AKR1D1: variants seen among roughly 807,000 people sequenced by gnomAD.
AKR1D1 encodes delta(4)-3-ketosteroid 5-beta-reductase.
Under a neutral mutation model 42.6 loss-of-function variants are expected in AKR1D1, and 32 were observed. The observed-to-expected ratio is 0.75, with a 90% CI of 0.57 to 1.01. AKR1D1 has a LOEUF of 1.01. AKR1D1 is among the 50% of genes least tolerant of loss of function. AKR1D1 has a pLI of 0.00. For synonymous variants in AKR1D1, 123 were observed against 135.5 expected (o/e 0.91, Z 0.64); for missense variants, 364 against 402.2 (o/e 0.91, Z 0.81).
rs1301512450 is a variant in AKR1D1 at position 138,102,188 on chromosome 7, G to A, written c.457-3119G>A. On this transcript the variant is annotated intron_variant, in intron 4 of 8. Coordinates refer to ENST00000242375, the MANE Select transcript of AKR1D1 (RefSeq NM_005989.4). The stretch of plus-strand genomic sequence containing the variant: ...ATCCCACCACTGCACTCCAGCCTGG[G>A]TGACAGAGTGAGATTCTGTCTCAAA... Among the ~76,000 whole-genome samples the A allele has an allele frequency of 2.6e-5, 4 of 152,184 alleles. No individual in the cohort carries two copies. The East Asian group carries it at 7.7e-4, about 29-fold the overall frequency.
At chr7:138,105,826 A>G (rs1794412511) in intron 5 of AKR1D1, among the ~76,000 whole-genome samples, 1 of 152,142 alleles carries the variant, frequency 6.6e-6, no homozygotes. Context: ...TGGAGGTTGC[A>G]GTGAGCCGAG....
rs1020061974 is a variant in AKR1D1, at chr7:138,106,493, T to A, written c.580-115T>A. 21 of 773,640 alleles carry A rather than the reference T, an allele frequency of 2.7e-5. No individual in the cohort carries two copies. In the African/African-American group the frequency reaches 3.4e-4, roughly 13 times the overall value. 47.9% of individuals were successfully genotyped at this position (773,640 alleles called of 1,614,324 possible). On this transcript the variant is annotated intron_variant, in intron 5 of 8. Coordinates refer to ENST00000242375, the MANE Select transcript of AKR1D1 (RefSeq NM_005989.4). ...ACTAGGACACGAAATGTATATAGTA[T>A]GAAGGAGATTCTATTAATAAAATGG...
chr7:138,095,513 T>TTTTTG (rs58875353), intron 3 of AKR1D1, among the ~76,000 whole-genome samples: 77 of 151,858 alleles, frequency 5.1e-4, no homozygotes, highest in African/African-American at 1.2e-3. Flanking sequence ...AAAATTAAAA[T>TTTTTG]TTTTGTTTTG....
intron 1 of AKR1D1, among the ~76,000 whole-genome samples, chr7:138,081,588 C>T (rs1354018630): frequency 2.4e-5 from 3 of 123,114 alleles, no homozygotes; most frequent in Admixed American, 1.0e-4. Context: ...TGCAATGGCA[C>T]GATCGATCTC....
intron 8 of AKR1D1, among the ~76,000 whole-genome samples, chr7:138,114,277 C>T (rs887916879): frequency 1.3e-5 from 2 of 152,110 alleles, no homozygotes; most frequent in Non-Finnish European, 2.9e-5. Context: ...AGCTGACTTC[C>T]TACAAGCAAA....
At position 138,076,558 on chromosome 7, in the gene AKR1D1, G is replaced by C; in HGVS notation, c.40G>C (p.Asp14His). 1 of 1,613,590 alleles carries C rather than the reference G, an allele frequency of 6.2e-7. No homozygotes were observed. The highest frequency in any genetic ancestry group is 1.1e-5 in the South Asian group (1 of 91,066). The change falls in exon 1 of 9, where the codon GAT (aspartate) becomes CAT (histidine). Residue 14 changes from aspartate (D) to histidine (H), a missense_variant. Coordinates refer to ENST00000242375, the MANE Select transcript of AKR1D1 (RefSeq NM_005989.4). ...SAASHRIPLSDGNSIPIIGLG... is the reference protein window; with the variant it reads ...SAASHRIPLSHGNSIPIIGLG... ...TGCAAGTCACCGCATACCTCTAAGT[G>C]ATGGAAACAGCATTCCCATCATCGG...
chr7:138,088,169 G>T (rs1481998289), intron 1 of AKR1D1, among the ~76,000 whole-genome samples: 5 of 152,166 alleles, frequency 3.3e-5, no homozygotes, highest in South Asian at 2.1e-4. Flanking sequence ...GGGATTACAG[G>T]TGTGAGCCAC....
chr7:138,102,489 G>T (rs1201014130), intron 4 of AKR1D1, among the ~76,000 whole-genome samples: 2 of 152,132 alleles, frequency 1.3e-5, no homozygotes, highest in Non-Finnish European at 2.9e-5. Context: ...AGGATCACTT[G>T]ACCTGGTAGG....
At chr7:138,091,497 TCATAAA>T (rs914000637) in intron 2 of AKR1D1, among the ~76,000 whole-genome samples, 2 of 152,142 alleles carry the variant, frequency 1.3e-5, no homozygotes, top group Admixed American at 1.3e-4. Context: ...TGACACTGCA[TCATAAA>T]CATATTTTTG....
chr7:138,098,187 T>C, intron 4 of AKR1D1: 1 of 467,920 alleles, frequency 2.1e-6, no homozygotes, highest in Non-Finnish European at 3.8e-6. Flanking sequence ...AAAAACAGTG[T>C]AAACAAAATA....
intron 4 of AKR1D1, among the ~76,000 whole-genome samples, chr7:138,104,948 G>T (rs1482945799): frequency 6.6e-6 from 1 of 151,882 alleles, no homozygotes. Flanking sequence ...TATTAGAGAT[G>T]AAGTCTCACT....
intron 4 of AKR1D1, among the ~76,000 whole-genome samples, chr7:138,102,866 T>C (rs1794345146): frequency 6.6e-6 from 1 of 151,958 alleles, no homozygotes; most frequent in Non-Finnish European, 1.5e-5. Context: ...TTAGCTTGAA[T>C]AGCCCGGTGT....
chr7:138,109,384 T>A (rs1293857827), intron 7 of AKR1D1, among the ~76,000 whole-genome samples: 1 of 152,192 alleles, frequency 6.6e-6, no homozygotes, highest in Non-Finnish European at 1.5e-5. Context: ...TCCACCCACA[T>A]GGTGGCACAG....
In AKR1D1 at chr7:138,113,740, G is replaced by A. The variant is rs1034543165; in HGVS notation, c.906G>A (p.Leu302=). The A allele has an allele frequency of 3.7e-6, 6 of 1,614,008 alleles. No individual in the cohort carries two copies. The African/African-American group carries it at 8.0e-5, about 22-fold the overall frequency. Residue 302 remains leucine (L), a synonymous_variant, in exon 8 of 9, where the codon TTG becomes TTA. Transcript: ENST00000242375. ...AAGAAATGAAGGACATTGAAGCCTT[G>A]AATAAAAATGTCCGCTTTGTAGAAT... ...TEEEMKDIEA[L]NKNVRFVELL...
chr7:138,085,643 A>G (rs1241090286), intron 1 of AKR1D1, among the ~76,000 whole-genome samples: 1 of 151,640 alleles, frequency 6.6e-6, no homozygotes, highest in Non-Finnish European at 1.5e-5. Flanking sequence ...ATGGGGTTTC[A>G]CCATGTTGGC....
intron 1 of AKR1D1, among the ~76,000 whole-genome samples, chr7:138,084,721 G>A (rs1585721244): frequency 6.6e-6 from 1 of 151,912 alleles, no homozygotes; most frequent in African/African-American, 2.4e-5. Context: ...CCTAAAAAAT[G>A]TGTCACAATT....
intron 1 of AKR1D1, among the ~76,000 whole-genome samples, chr7:138,079,913 T>C (rs1803017741): frequency 6.6e-6 from 1 of 152,172 alleles, no homozygotes; most frequent in African/African-American, 2.4e-5. Context: ...ACCTTGTAAT[T>C]CTCCAACTGG....
chr7:138,089,795 T>C (rs1481593030), intron 2 of AKR1D1, among the ~76,000 whole-genome samples: 3 of 152,146 alleles, frequency 2.0e-5, no homozygotes, highest in East Asian at 1.9e-4. Flanking sequence ...TAATGTGCCA[T>C]TGCTATTGCC....
chr7:138,109,611 A>C (rs1794498890), intron 7 of AKR1D1, among the ~76,000 whole-genome samples: 1 of 152,160 alleles, frequency 6.6e-6, no homozygotes, highest in African/African-American at 2.4e-5. Flanking sequence ...GCTCCACTAG[A>C]AGGGGGAAGG....
Sources: gnomAD v4.1 joint callset for allele counts (sites outside exome capture counted in the v4.1 genomes callset) on GRCh38, gnomAD v4.1.1 for gene constraint, MANE v1.5 for transcripts, NCBI Gene and HGNC (gene_info 2026-07-23, HGNC 2026-07-21) for gene names.